NBAS: variants seen among roughly 807,000 people sequenced by gnomAD.
NBAS encodes the protein NBAS subunit of NRZ tethering complex, also known as NAG/BC035112 fusion.
In NBAS, 219 loss-of-function variants were observed where a neutral mutation model predicts 302.5. That is an observed-to-expected ratio of 0.72 (90% confidence interval 0.65 to 0.81). NBAS has a LOEUF of 0.81. NBAS is among the 30% of genes least tolerant of loss of function. The probability of loss-of-function intolerance (pLI) is 0.00; values close to 1 mark genes in which losing one functional copy is unlikely to be tolerated. For missense variants in NBAS, 2,932 were observed against 2,841.6 expected, an observed-to-expected ratio of 1.03 and a Z score of -0.72; for synonymous variants, 1,118 against 1,021.6, an observed-to-expected ratio of 1.09 and a Z score of -1.80.
chr2:14,822,944 A>G, the NBAS span, among the ~76,000 whole-genome samples: 1 of 152,170 alleles, frequency 6.6e-6, no homozygotes, highest in African/African-American at 2.4e-5. Flanking sequence ...AGCTTCTTCT[A>G]GAGAGAGCAA....
In NBAS at chr2:15,308,338, G is replaced by C. The variant is rs755242823; in HGVS notation, c.4675C>G (p.Arg1559Gly). The C allele has an allele frequency of 1.2e-6, 2 of 1,613,972 alleles. No individual in the cohort carries two copies. The highest frequency in any genetic ancestry group is 2.2e-5 in the South Asian group (2 of 91,042). ...GAGGGGGACTGCTTTTCAAAGCACC[G>C]GTTAGCATCTAACACCTAGGAGGGA... ...LALPQVLDAN[R>G]CFEKQSPSAL... is the part of the protein sequence containing the mutation. The change falls in exon 40 of 52, where the codon CGG becomes GGG. Residue 1559 changes from arginine to glycine, a missense_variant. Transcript: ENST00000281513.
chr2:14,878,086 G>C, the NBAS span, among the ~76,000 whole-genome samples: 1 of 152,144 alleles, frequency 6.6e-6, no homozygotes, highest in Non-Finnish European at 1.5e-5. Flanking sequence ...ACTACAGCGT[G>C]CCAGGGCCTA....
chr2:15,379,607 T>C lies in NBAS; in HGVS notation c.3585A>G (p.Leu1195=), dbSNP rs764914239. 1.9e-6 allele frequency: 3 copies of C among 1,613,816 alleles called. No individual in the cohort carries two copies. The Admixed American group carries it at 5.0e-5, about 27-fold the overall frequency. ...STNLTDSCMD[L]ARCCLQLITD... ...AGAATATAGAGTTATTCTACCTGGCTAGATCCATGCAGCTATCAGTGAGGT... is the reference window on the plus strand; with the variant it reads ...AGAATATAGAGTTATTCTACCTGGCCAGATCCATGCAGCTATCAGTGAGGT... The change falls in exon 30 of 52, where the codon CTA becomes CTG. Residue 1195 remains leucine, a synonymous_variant. Coordinates refer to ENST00000281513, the MANE Select transcript of NBAS (RefSeq NM_015909.4).
the NBAS span, among the ~76,000 whole-genome samples, chr2:15,120,120 G>C: frequency 6.6e-6 from 1 of 152,128 alleles, no homozygotes; most frequent in Non-Finnish European, 1.5e-5. Flanking sequence ...AGTGTGGGAG[G>C]GTGGGCTGTC....
At chr2:15,171,488 T>C (rs1030875988) in intron 51 of NBAS, among the ~76,000 whole-genome samples, 1 of 152,286 alleles carries the variant, frequency 6.6e-6, no homozygotes, top group Admixed American at 6.5e-5. Flanking sequence ...TGCAAAATAG[T>C]TGTTATAAGT....
At chr2:14,786,435 T>G in the NBAS span, among the ~76,000 whole-genome samples, 1 of 152,226 alleles carries the variant, frequency 6.6e-6, no homozygotes, top group Non-Finnish European at 1.5e-5. Context: ...TTTGGATCTT[T>G]CCTGCTTTCT....
At chr2:14,898,700 T>C in the NBAS span, among the ~76,000 whole-genome samples, 14 of 152,362 alleles carry the variant, frequency 9.2e-5, no homozygotes, top group African/African-American at 3.1e-4. Context: ...CATTCTCTCT[T>C]TGCCTGCTGC....
intron 45 of NBAS, among the ~76,000 whole-genome samples, chr2:15,236,527 C>CAAAAAA (rs1167993098): frequency 5.3e-4 from 15 of 28,308 alleles, no homozygotes; most frequent in Non-Finnish European, 8.2e-4. Flanking sequence ...GACCCTGTCT[C>CAAAAAA]AAAAAAAAAA....
At chr2:15,504,257 C>T (rs188590776) in intron 10 of NBAS, 44 bp from the exon 11 acceptor site, 1 of 1,439,440 alleles carries the variant, frequency 6.9e-7, no homozygotes, top group Non-Finnish European at 9.8e-7. Flanking sequence ...ACTGAAATGA[C>T]TTATCGTTGT....
At chr2:14,786,694 T>TTA in the NBAS span, among the ~76,000 whole-genome samples, 30 of 152,360 alleles carry the variant, frequency 2.0e-4, no homozygotes, top group African/African-American at 6.3e-4. Context: ...AGACAGTTTG[T>TTA]TATAATTTCT....
intron 17 of NBAS, 90 bp from the exon 18 acceptor site, chr2:15,467,894 T>C (rs1265040688): frequency 2.7e-6 from 3 of 1,106,224 alleles, no homozygotes; most frequent in South Asian, 1.5e-5. Flanking sequence ...GATTTCATTA[T>C]TGATTTCCAC....
In NBAS at chr2:15,198,845, G is replaced by T. The variant is rs74442123; in HGVS notation, c.6433-8442C>A. 6.5e-4 allele frequency among the ~76,000 whole-genome samples: 99 copies of T among 152,244 alleles called. 1 individual carries two copies. The East Asian group carries it at 0.019, about 29-fold the overall frequency. ...TTGCTCATTAAGAGTTAGAAAAATT[G>T]GCCGGGCGCGGTGGCTCACGCCTGT... On this transcript the variant is annotated intron_variant, in intron 48 of 51. Coordinates refer to ENST00000281513, the MANE Select transcript of NBAS (RefSeq NM_015909.4).
intron 32 of NBAS, among the ~76,000 whole-genome samples, chr2:15,362,814 A>C (rs1299190256): frequency 3.3e-5 from 5 of 152,222 alleles, no homozygotes; most frequent in African/African-American, 1.2e-4. Context: ...TTGCAGATAT[A>C]ATTAAATACG....
intron 26 of NBAS, among the ~76,000 whole-genome samples, chr2:15,399,395 G>A (rs916707545): frequency 6.6e-6 from 1 of 152,138 alleles, no homozygotes; most frequent in African/African-American, 2.4e-5. Context: ...CACACTGATA[G>A]CCTTTGGGTT....
At chr2:15,531,496 A>C (rs917833351) in intron 9 of NBAS, among the ~76,000 whole-genome samples, 2 of 152,210 alleles carry the variant, frequency 1.3e-5, no homozygotes, top group African/African-American at 4.8e-5. Context: ...AGTTTAGGGG[A>C]AAGTCTGTGA....
the NBAS span, among the ~76,000 whole-genome samples, chr2:15,158,659 G>T: frequency 3.3e-5 from 5 of 152,344 alleles, no homozygotes; most frequent in African/African-American, 1.2e-4. Flanking sequence ...CCCAGCCAGA[G>T]TCGGGGCCCA....
intron 16 of NBAS, among the ~76,000 whole-genome samples, chr2:15,471,055 T>G (rs549190711): frequency 9.2e-5 from 14 of 152,200 alleles, no homozygotes; most frequent in Non-Finnish European, 1.3e-4. Flanking sequence ...CATAGTGCTC[T>G]TGCTCTTAAC....
intron 2 of NBAS, among the ~76,000 whole-genome samples, chr2:15,558,141 T>G (rs900569143): frequency 6.6e-6 from 1 of 152,176 alleles, no homozygotes; most frequent in Non-Finnish European, 1.5e-5. Context: ...GCAACCTAGA[T>G]CCCTCACACG....
At chr2:15,410,800 C>A (rs573098186) in intron 25 of NBAS, among the ~76,000 whole-genome samples, 16 of 152,298 alleles carry the variant, frequency 1.1e-4, no homozygotes, top group Admixed American at 7.2e-4. Context: ...AAATGCCAGT[C>A]CATGAAACAG....
Sources: gnomAD v4.1 joint callset for allele counts (sites outside exome capture counted in the v4.1 genomes callset) on GRCh38, gnomAD v4.1.1 for gene constraint, MANE v1.5 for transcripts, NCBI Gene and HGNC (gene_info 2026-07-23, HGNC 2026-07-21) for gene names.